Variants in GXYLT1 observed in about 807,000 individuals in gnomAD.
GXYLT1 encodes glycosyltransferase 8 domain containing 3.
GXYLT1 carries 29 observed loss-of-function variants against 54.0 expected under a neutral mutation model. The observed-to-expected ratio is 0.54, with a 90% CI of 0.40 to 0.73. The LOEUF is 0.73. Ranked by LOEUF, GXYLT1 falls within the 30% of genes least tolerant of loss-of-function variation. The pLI is 0.00. For synonymous variants in GXYLT1, 176 were observed against 204.1 expected (o/e 0.86, Z 1.17); for missense variants, 490 against 553.4 (o/e 0.89, Z 1.15).
At chr12:42,144,395 C>T in intron 1 of GXYLT1, 31 bp downstream of exon 1, 1 of 1,338,080 alleles carries the variant, frequency 7.5e-7, no homozygotes, top group Non-Finnish European at 9.7e-7. Flanking sequence ...CCCGCGCCCG[C>T]CGCGTCCCCC....
chr12:42,120,250 T>G (rs1484290985), intron 2 of GXYLT1, among the ~76,000 whole-genome samples: 1 of 152,226 alleles, frequency 6.6e-6, no homozygotes, highest in Admixed American at 6.5e-5. Context: ...CCATAAATGT[T>G]TCAGTATTAC....
chr12:42,101,077 G>C (rs910203243), intron 5 of GXYLT1, among the ~76,000 whole-genome samples: 10 of 151,918 alleles, frequency 6.6e-5, no homozygotes, highest in African/African-American at 2.2e-4. Flanking sequence ...AGTCCCATTA[G>C]AAAACTATTT....
chr12:42,126,498 T>C (rs553149464), intron 2 of GXYLT1, among the ~76,000 whole-genome samples: 1 of 152,324 alleles, frequency 6.6e-6, no homozygotes, highest in South Asian at 2.1e-4. Flanking sequence ...CTCATGTCTA[T>C]AATTCCAGCA....
At chr12:42,102,601 T>A (rs1353523155) in intron 5 of GXYLT1, among the ~76,000 whole-genome samples, 1 of 152,020 alleles carries the variant, frequency 6.6e-6, no homozygotes, top group African/African-American at 2.4e-5. Context: ...GACAAAAAAA[T>A]ACTCTACAAA....
chr12:42,101,733 G>C (rs749344560), intron 5 of GXYLT1, among the ~76,000 whole-genome samples: 2 of 151,620 alleles, frequency 1.3e-5, no homozygotes, highest in African/African-American at 2.4e-5. Flanking sequence ...CACCATGCCT[G>C]GCTAATTTTT....
At position 42,085,723 on chromosome 12, in the gene GXYLT1, T is replaced by G. The variant is rs1592096756; in HGVS notation, c.*2063A>C. 6.6e-6 allele frequency: 1 copy of G among 152,278 alleles called. No homozygotes were observed. The highest frequency in any genetic ancestry group is 2.4e-5 in the African/African-American group (1 of 41,476). The allele number at this position is 152,278 out of a possible 1,614,324, so 9.4% of individuals were successfully genotyped here. The stretch of plus-strand genomic sequence containing the variant: ...TGATTTTTGAGATAATCAGGGAAAT[T>G]TGCTTAAGGACTGGCTATGAGATGA... On this transcript the variant is annotated 3_prime_UTR_variant, in exon 8 of 8. Coordinates refer to ENST00000398675, the MANE Select transcript of GXYLT1 (RefSeq NM_173601.2).
At chr12:42,114,824 C>T (rs1014152194) in intron 3 of GXYLT1, among the ~76,000 whole-genome samples, 2 of 151,996 alleles carry the variant, frequency 1.3e-5, no homozygotes, top group African/African-American at 4.8e-5. Flanking sequence ...AGAGACACAA[C>T]CAAAAAAGAG....
At chr12:42,122,471 T>C (rs941647795) in intron 2 of GXYLT1, among the ~76,000 whole-genome samples, 25 of 152,110 alleles carry the variant, frequency 1.6e-4, no homozygotes, top group African/African-American at 5.8e-4. Context: ...ACACCTGTAG[T>C]CCCAGCTATT....
At chr12:42,137,762 G>GAAA (rs56387868) in intron 1 of GXYLT1, among the ~76,000 whole-genome samples, 1 of 107,180 alleles carries the variant, frequency 9.3e-6, no homozygotes, top group Admixed American at 1.1e-4. Context: ...ATCTCAAATT[G>GAAA]AAAAAAAAAA....
intron 2 of GXYLT1, among the ~76,000 whole-genome samples, chr12:42,120,024 C>A (rs1306613609): frequency 2.6e-5 from 4 of 152,080 alleles, no homozygotes; most frequent in Non-Finnish European, 5.9e-5. Flanking sequence ...TAAATTAATT[C>A]ATTACTCACA....
chr12:42,114,672 TG>T (rs2065481829), intron 3 of GXYLT1, among the ~76,000 whole-genome samples: 1 of 152,106 alleles, frequency 6.6e-6, no homozygotes, highest in African/African-American at 2.4e-5. Context: ...CAGGACCAGA[TG>T]GATTCACAGC....
chr12:42,126,765 C>T (rs6582382), intron 2 of GXYLT1, among the ~76,000 whole-genome samples: 78,381 of 151,432 alleles, frequency 0.52, 20,709 homozygotes, highest in South Asian at 0.7. Context: ...TGCCTGTAGT[C>T]CCAGCTCAGG....
chr12:42,136,348 G>A (rs949047285), intron 1 of GXYLT1, among the ~76,000 whole-genome samples: 1 of 152,166 alleles, frequency 6.6e-6, no homozygotes, highest in Middle Eastern at 3.2e-3. Context: ...GTTGAAAGCA[G>A]AATATTAAAC....
chr12:42,133,064 C>A (rs2136917811), intron 1 of GXYLT1, among the ~76,000 whole-genome samples: 1 of 152,200 alleles, frequency 6.6e-6, no homozygotes, highest in African/African-American at 2.4e-5. Flanking sequence ...AGGCGGATCA[C>A]TTGAGGTCAG....
chr12:42,100,038 T>C (rs1349471702), intron 5 of GXYLT1, among the ~76,000 whole-genome samples: 1 of 152,198 alleles, frequency 6.6e-6, no homozygotes, highest in African/African-American at 2.4e-5. Flanking sequence ...TAGTGCTTTT[T>C]CAGATACTGA....
At chr12:42,126,824 G>A (rs2065565258) in intron 2 of GXYLT1, among the ~76,000 whole-genome samples, 1 of 149,280 alleles carries the variant, frequency 6.7e-6, no homozygotes, top group Non-Finnish European at 1.5e-5. Flanking sequence ...CGGTTGCAGT[G>A]AGCCAAGATC....
rs2065668669 is a variant in GXYLT1, at chr12:42,144,418, G to A, written c.221+8C>T. On this transcript the variant is annotated splice_region_variant and intron_variant, in intron 1 of 7. Coordinates refer to ENST00000398675, the MANE Select transcript of GXYLT1 (RefSeq NM_173601.2). ...CGCCGCGTCCCCCACACCGGGAACT[G>A]CCCGTACCTGTCCGACACGCCGGGA... The A allele has an allele frequency of 1.5e-6, 2 of 1,352,716 alleles. No homozygotes were observed. Among genetic ancestry groups the A allele is most frequent in the Non-Finnish European group, 1.9e-6 (2 of 1,053,352 alleles). 83.8% of individuals were successfully genotyped at this position (1,352,716 alleles called of 1,614,324 possible). A position where few individuals can be genotyped will look rare whatever the true frequency, so the allele number is the denominator to read the frequency against.
At position 42,087,246 on chromosome 12, in the gene GXYLT1, T is replaced by C. The variant is rs1161959349; in HGVS notation, c.*540A>G. 6.6e-6 allele frequency: 1 copy of C among 152,402 alleles called. No homozygotes were observed. The highest frequency in any genetic ancestry group is 1.5e-5 in the Non-Finnish European group (1 of 68,168). 9.4% of individuals were successfully genotyped at this position (152,402 alleles called of 1,614,324 possible). A position where few individuals can be genotyped will look rare whatever the true frequency, so the allele number is the denominator to read the frequency against. ...AAAATAATTTTAAACATGATTGTCA[T>C]AAAAATATTTTAAAACAGAGATGAA... On this transcript the variant is annotated 3_prime_UTR_variant, in exon 8 of 8. Coordinates refer to ENST00000398675, the MANE Select transcript of GXYLT1 (RefSeq NM_173601.2).
chr12:42,135,578 T>C (rs1454007704), intron 1 of GXYLT1, among the ~76,000 whole-genome samples: 1 of 111,146 alleles, frequency 9.0e-6, no homozygotes, highest in Non-Finnish European at 2.1e-5. Context: ...GTCCACCAAA[T>C]AATGAGCAAA....
Sources: gnomAD v4.1 joint callset for allele counts (sites outside exome capture counted in the v4.1 genomes callset) on GRCh38, gnomAD v4.1.1 for gene constraint, MANE v1.5 for transcripts, NCBI Gene and HGNC (gene_info 2026-07-23, HGNC 2026-07-21) for gene names.